The following COX15 variants were observed in gnomAD, a reference collection of about 807,000 sequenced individuals.
COX15 encodes heme A synthase COX15.
COX15 carries 51 observed loss-of-function variants against 51.9 expected under a neutral mutation model. The ratio of observed to expected loss-of-function variants is 0.98; its 90% CI spans 0.78 to 1.24. The LOEUF is 1.24. Ranked by LOEUF, COX15 falls within the 50% of genes most tolerant of loss-of-function variation. The pLI is 0.00. For missense variants in COX15, 420 were observed against 501.1 expected, an observed-to-expected ratio of 0.84 and a Z score of 1.55; for synonymous variants, 188 against 190.5, an observed-to-expected ratio of 0.99 and a Z score of 0.11.
the COX15 span, chr10:99,698,685 C>A: frequency 6.2e-7 from 1 of 1,614,136 alleles, no homozygotes; most frequent in Non-Finnish European, 8.5e-7. Flanking sequence ...AATGCTGAGC[C>A]CCCTGCTGGC....
intron 1 of COX15, among the ~76,000 whole-genome samples, chr10:99,731,608 T>G (rs2037149085): frequency 6.6e-6 from 1 of 152,208 alleles, no homozygotes; most frequent in Admixed American, 6.5e-5. Context: ...TACTTGGAAC[T>G]TTTTAAGCAA....
chr10:99,702,323 A>G, the COX15 span, among the ~76,000 whole-genome samples: 1 of 152,218 alleles, frequency 6.6e-6, no homozygotes, highest in African/African-American at 2.4e-5. Flanking sequence ...CCACAGTATC[A>G]TTATTGCCTT....
chr10:99,709,537 C>T (rs2036318791), downstream of COX15: 1 of 982,378 alleles, frequency 1.0e-6, no homozygotes, highest in African/African-American at 1.7e-5. Flanking sequence ...GATTATTAGT[C>T]AATAATATTT....
downstream of COX15, among the ~76,000 whole-genome samples, chr10:99,707,275 A>G (rs2036271750): frequency 6.6e-6 from 1 of 152,126 alleles, no homozygotes. Flanking sequence ...ACTGAAGGAA[A>G]ATTTTGTCAT....
chr10:99,695,702 C>T, the COX15 span, among the ~76,000 whole-genome samples: 5 of 152,068 alleles, frequency 3.3e-5, no homozygotes, highest in Admixed American at 6.5e-5. Flanking sequence ...AATTCTACCT[C>T]CTATATAACT....
the COX15 span, among the ~76,000 whole-genome samples, chr10:99,694,624 C>G: frequency 1.0e-4 from 15 of 150,740 alleles, no homozygotes; most frequent in African/African-American, 3.7e-4. Context: ...GCAACCTCTG[C>G]CTCCCAGGTT....
In COX15 at chr10:99,711,860, A is replaced by C. The variant is rs2036400162; in HGVS notation, c.*2727T>G. The C allele has an allele frequency of 1.0e-6, 1 of 978,616 alleles. No individual in the cohort carries two copies. Among genetic ancestry groups the C allele is most frequent in the Non-Finnish European group, 1.2e-6 (1 of 823,874 alleles). 60.6% of individuals were successfully genotyped at this position (978,616 alleles called of 1,614,324 possible). ...TACTGACAATTTTTAGAAAGAAAAG[A>C]GGTTTATTTGGCTCACTGTTCTGCA... On this transcript the variant is annotated 3_prime_UTR_variant, in exon 9 of 9. Transcript: ENST00000016171.
the COX15 span, among the ~76,000 whole-genome samples, chr10:99,703,615 T>C: frequency 1.3e-5 from 2 of 152,248 alleles, no homozygotes; most frequent in African/African-American, 4.8e-5. Flanking sequence ...ACCATTACAC[T>C]TGGTTTTCAT....
intron 4 of COX15, among the ~76,000 whole-genome samples, chr10:99,724,980 A>C (rs1362330356): frequency 6.6e-6 from 1 of 152,262 alleles, no homozygotes; most frequent in African/African-American, 2.4e-5. Flanking sequence ...AGAAACCTGC[A>C]GTTGAATGCC....
In COX15 at chr10:99,713,132, T is replaced by C. The variant is rs1014192186; in HGVS notation, c.*1455A>G. The C allele has an allele frequency of 7.7e-7, 1 of 1,296,706 alleles. No homozygotes were observed. Among genetic ancestry groups the C allele is most frequent in the Non-Finnish European group, 9.9e-7 (1 of 1,014,732 alleles). The allele number at this position is 1,296,706 out of a possible 1,614,324, so 80.3% of individuals were successfully genotyped here. On this transcript the variant is annotated 3_prime_UTR_variant, in exon 9 of 9. Coordinates refer to ENST00000016171, the MANE Select transcript of COX15 (RefSeq NM_078470.6). ...ACTATGGCTGTGACACTTCTACTGA[T>C]AAAACCTGAAGTACCACTAATTTTT...
the COX15 span, chr10:99,695,972 T>C: frequency 3.1e-6 from 5 of 1,613,352 alleles, no homozygotes; most frequent in Non-Finnish European, 3.4e-6. Flanking sequence ...GCTGCCAAGA[T>C]CCTGCTGGCT....
the COX15 span, chr10:99,705,179 T>G: frequency 1.2e-5 from 2 of 160,840 alleles, no homozygotes; most frequent in Non-Finnish European, 2.8e-5. Flanking sequence ...ATCTTTGCAG[T>G]TCAATCGACC....
downstream of COX15, among the ~76,000 whole-genome samples, chr10:99,708,261 G>A (rs2036290514): frequency 6.6e-6 from 1 of 151,916 alleles, no homozygotes; most frequent in Non-Finnish European, 1.5e-5. Flanking sequence ...AGTGTTTTTA[G>A]GCATTAACAT....
rs369863209 is a variant in COX15, at chr10:99,731,944, C to T, written c.90+16G>A. 1.5e-4 allele frequency: 247 copies of T among 1,602,810 alleles called. 1 individual carries two copies. The African/African-American group carries it at 3.1e-3, about 20-fold the overall frequency. On this transcript the variant is annotated intron_variant, in intron 1 of 8. Transcript: ENST00000016171. Reference sequence around the variant, plus strand: ...ATCCCCGCTCCCGCGACTCGGAGTCCGCTGCAGTGCGGTACCTGTGCTCTA... The same window carrying T: ...ATCCCCGCTCCCGCGACTCGGAGTCTGCTGCAGTGCGGTACCTGTGCTCTA...
intron 1 of COX15, among the ~76,000 whole-genome samples, chr10:99,731,011 A>G (rs548858100): frequency 1.6e-4 from 24 of 152,340 alleles, no homozygotes; most frequent in Admixed American, 1.4e-3. Flanking sequence ...GCAGTGAGTT[A>G]TAATCATGCC....
intron 6 of COX15, among the ~76,000 whole-genome samples, chr10:99,719,405 G>A (rs900189795): frequency 1.3e-5 from 2 of 152,090 alleles, no homozygotes; most frequent in African/African-American, 2.4e-5. Context: ...CGTTGACCAG[G>A]CTGGTCTCGA....
chr10:99,709,139 T>C, downstream of COX15: 1 of 984,242 alleles, frequency 1.0e-6, no homozygotes, highest in African/African-American at 1.7e-5. Context: ...AAGCAATTCA[T>C]TAGATGACTA....
In COX15 at chr10:99,714,371, T is replaced by C; in HGVS notation, c.*216A>G. On this transcript the variant is annotated 3_prime_UTR_variant, in exon 9 of 9. Coordinates refer to ENST00000016171, the MANE Select transcript of COX15 (RefSeq NM_078470.6). ...TCTACATTAAAACTGATTTTCAACA[T>C]GAAAAGCAGATTTAAAAGGGAACAT... 1.5e-6 allele frequency: 2 copies of C among 1,363,336 alleles called. No individual in the cohort carries two copies. The highest frequency in any genetic ancestry group is 9.5e-7 in the Non-Finnish European group (1 of 1,055,480). The allele number at this position is 1,363,336 out of a possible 1,614,324, so 84.5% of individuals were successfully genotyped here. A position where few individuals can be genotyped will look rare whatever the true frequency, so the allele number is the denominator to read the frequency against.
chr10:99,709,005 C>T (rs2036305935), downstream of COX15: 32 of 985,354 alleles, frequency 3.2e-5, no homozygotes, highest in Non-Finnish European at 3.9e-5. Flanking sequence ...GAAAAAAATA[C>T]TTTGTCAGAA....
Sources: gnomAD v4.1 joint callset for allele counts (sites outside exome capture counted in the v4.1 genomes callset) on GRCh38, gnomAD v4.1.1 for gene constraint, MANE v1.5 for transcripts, NCBI Gene and HGNC (gene_info 2026-07-23, HGNC 2026-07-21) for gene names.